The following AKAP13 variants were observed in gnomAD, a reference collection of about 807,000 sequenced individuals.
AKAP13 encodes A-kinase anchor protein 13.
In AKAP13, 80 loss-of-function variants were observed where a neutral mutation model predicts 264.5. The ratio of observed to expected loss-of-function variants is 0.30; its 90% CI spans 0.25 to 0.36. The LOEUF (loss-of-function observed/expected upper bound fraction) is 0.36, where lower values mean the gene tolerates loss of function less well. Ranked by LOEUF, AKAP13 falls within the 10% of genes least tolerant of loss-of-function variation. The probability of loss-of-function intolerance (pLI) is 1.00; values close to 1 mark genes in which losing one functional copy is unlikely to be tolerated. For missense variants in AKAP13, 3,712 were observed against 3,435.2 expected, an observed-to-expected ratio of 1.08 and a Z score of -2.01; for synonymous variants, 1,380 against 1,250.2, an observed-to-expected ratio of 1.10 and a Z score of -2.19.
At chr15:85,632,871 AT>A (rs11327974) in intron 8 of AKAP13, among the ~76,000 whole-genome samples, 138,304 of 148,944 alleles carry the variant, frequency 0.93, 64,226 homozygotes, top group African/African-American at 0.97. Flanking sequence ...AAGAAATAAA[AT>A]TTTTTTTTTT....
chr15:85,693,482 T>G, intron 17 of AKAP13, 31 bp downstream of exon 17: 2 of 1,606,740 alleles, frequency 1.2e-6, no homozygotes, highest in East Asian at 2.2e-5. Flanking sequence ...TCTCGTAAGA[T>G]GGAACTCTCT....
rs766324064 is a variant in AKAP13 at position 85,727,088 on chromosome 15, C to T, written c.6845C>T (p.Ser2282Phe). The T allele has an allele frequency of 2.5e-6, 4 of 1,614,002 alleles. No individual in the cohort carries two copies. The highest frequency in any genetic ancestry group is 3.4e-6 in the Non-Finnish European group (4 of 1,180,032). Residue 2282 changes from serine (S) to phenylalanine (F), a missense_variant, in exon 28 of 37, where the codon TCT becomes TTT. Ser to Phe is a radical substitution (Grantham distance 155, BLOSUM62 -2). This residue lies in a region of AKAP13 where 342 missense variants were observed against 484.3 expected (regional missense o/e 0.71). Transcript: ENST00000394518. This position sits in a 1 kb window ranked among gnomAD's most constrained non-coding sequence, Gnocchi z 5.3. Reference sequence around the variant, plus strand: ...CAGGACCAGAAGTCAACAGTGATCTCTTTAAAGAAGCTGATTGTGAGAGAA... The same window carrying T: ...CAGGACCAGAAGTCAACAGTGATCTTTTTAAAGAAGCTGATTGTGAGAGAA... The part of the protein sequence containing the change: ...ASLDQKSTVI[S>F]LKKLIVREVA...
intron 1 of AKAP13, among the ~76,000 whole-genome samples, chr15:85,470,992 C>T (rs1398269019): frequency 1.3e-5 from 2 of 152,104 alleles, no homozygotes; most frequent in African/African-American, 2.4e-5. Context: ...TCTTAGTTAC[C>T]TAGTTTTATG....
intron 14 of AKAP13, among the ~76,000 whole-genome samples, chr15:85,674,123 T>C (rs2084084869): frequency 6.6e-6 from 1 of 152,102 alleles, no homozygotes; most frequent in South Asian, 2.1e-4. Flanking sequence ...GAAAGGGGAA[T>C]TGGACCCGTT....
At chr15:85,450,248 G>A (rs1249445780) in intron 1 of AKAP13, among the ~76,000 whole-genome samples, 1 of 151,922 alleles carries the variant, frequency 6.6e-6, no homozygotes, top group Admixed American at 6.6e-5. Context: ...TTATTTCTAT[G>A]GAGTCAGTAG....
At chr15:85,428,340 C>T (rs2072885814) in intron 1 of AKAP13, among the ~76,000 whole-genome samples, 1 of 152,226 alleles carries the variant, frequency 6.6e-6, no homozygotes, top group African/African-American at 2.4e-5. Flanking sequence ...GCTGGGATTA[C>T]AGGCATGCGC....
chr15:85,548,469 A>C (rs2077832701), intron 5 of AKAP13, among the ~76,000 whole-genome samples: 1 of 152,206 alleles, frequency 6.6e-6, no homozygotes, highest in Admixed American at 6.5e-5. Context: ...AAAGCTTAAT[A>C]AAAATCTAAG....
At chr15:85,670,241 T>C (rs1195736458) in intron 14 of AKAP13, among the ~76,000 whole-genome samples, 2 of 152,080 alleles carry the variant, frequency 1.3e-5, no homozygotes, top group East Asian at 1.9e-4. Flanking sequence ...TCTCCCTCTC[T>C]TTATCACTCC....
chr15:85,561,238 A>T (rs893888219), intron 5 of AKAP13, among the ~76,000 whole-genome samples: 5 of 151,832 alleles, frequency 3.3e-5, no homozygotes, highest in African/African-American at 1.2e-4. Context: ...TTGTATTTTT[A>T]GTAGAGACGG....
chr15:85,701,430 AG>A (rs780863372), intron 17 of AKAP13, among the ~76,000 whole-genome samples: 49 of 151,940 alleles, frequency 3.2e-4, no homozygotes, highest in Non-Finnish European at 5.6e-4. Flanking sequence ...AACATATTTG[AG>A]GGGTTTTTTT....
chr15:85,426,524 G>A lies in AKAP13; in HGVS notation c.-12+45726G>A, dbSNP rs551804008. On this transcript the variant is annotated intron_variant, in intron 1 of 36. Transcript: ENST00000394518. The stretch of plus-strand genomic sequence containing the variant: ...TTTTTTTGGGTTATAACTGACAATT[G>A]CGCATATTTAAAGTGTATTTTCACA... 7.2e-5 allele frequency among the ~76,000 whole-genome samples: 11 copies of A among 152,070 alleles called. No individual in the cohort carries two copies. In the East Asian group the frequency reaches 2.1e-3, roughly 29 times the overall value.
At chr15:85,687,522 A>T (rs918604010) in intron 16 of AKAP13, among the ~76,000 whole-genome samples, 30 of 152,144 alleles carry the variant, frequency 2.0e-4, no homozygotes, top group Non-Finnish European at 3.5e-4. Flanking sequence ...CCTCTTTCAG[A>T]CTTGGCTTCA....
chr15:85,415,901 A>G (rs1282970164), intron 1 of AKAP13, among the ~76,000 whole-genome samples: 2 of 152,174 alleles, frequency 1.3e-5, no homozygotes, highest in African/African-American at 2.4e-5. Flanking sequence ...TGGGAGGTTT[A>G]TGAGAGAGCT....
intron 1 of AKAP13, among the ~76,000 whole-genome samples, chr15:85,401,425 A>G (rs779899014): frequency 3.3e-5 from 5 of 152,188 alleles, no homozygotes; most frequent in Non-Finnish European, 7.4e-5. Flanking sequence ...GACCTCCCAA[A>G]GGACCTCTGT....
intron 10 of AKAP13, among the ~76,000 whole-genome samples, chr15:85,648,895 A>G (rs2151498478): frequency 6.6e-6 from 1 of 152,308 alleles, no homozygotes; most frequent in South Asian, 2.1e-4. Context: ...AGGGAAAACC[A>G]GAAATGGTAG....
chr15:85,450,295 G>A (rs184776984), intron 1 of AKAP13, among the ~76,000 whole-genome samples: 3 of 151,710 alleles, frequency 2.0e-5, no homozygotes, highest in South Asian at 2.1e-4. Flanking sequence ...GTGTTTATTT[G>A]GATCTTCTCT....
At chr15:85,729,672 C>G (rs143816988) in intron 29 of AKAP13, among the ~76,000 whole-genome samples, 1 of 151,990 alleles carries the variant, frequency 6.6e-6, no homozygotes, top group Non-Finnish European at 1.5e-5. Flanking sequence ...TGCGGTGGCT[C>G]ACACCTGTAA....
chr15:85,649,157 G>A (rs568043609), intron 10 of AKAP13, among the ~76,000 whole-genome samples: 1 of 152,170 alleles, frequency 6.6e-6, no homozygotes, highest in Non-Finnish European at 1.5e-5. Flanking sequence ...ATCTCAATTT[G>A]TCTGCCCAGC....
chr15:85,651,864 GATTC>G (rs906285470), intron 10 of AKAP13, among the ~76,000 whole-genome samples: 24 of 152,136 alleles, frequency 1.6e-4, no homozygotes, highest in African/African-American at 5.8e-4. Context: ...AAATACCTAG[GATTC>G]GAATTCTTAG....
Sources: gnomAD v4.1 joint callset for allele counts (sites outside exome capture counted in the v4.1 genomes callset) on GRCh38, gnomAD v4.1.1 for gene constraint, gnomAD v4.1.1 regional missense constraint, Gnocchi (gnomAD v3.1) non-coding constraint, MANE v1.5 for transcripts, NCBI Gene and HGNC (gene_info 2026-07-23, HGNC 2026-07-21) for gene names.